WDR75: variants seen among roughly 807,000 people sequenced by gnomAD.
WDR75 encodes the protein WD repeat-containing protein 75.
WDR75 carries 52 observed loss-of-function variants against 106.1 expected under a neutral mutation model. The ratio of observed to expected loss-of-function variants is 0.49; its 90% CI spans 0.39 to 0.62. The LOEUF is 0.62. WDR75 is among the 20% of genes least tolerant of loss of function. WDR75 has a pLI of 0.00. For missense variants in WDR75, 905 were observed against 970.3 expected, an observed-to-expected ratio of 0.93 and a Z score of 0.89; for synonymous variants, 333 against 335.5, an observed-to-expected ratio of 0.99 and a Z score of 0.08.
At chr2:189,467,060 C>T (rs1687017213) in intron 13 of WDR75, among the ~76,000 whole-genome samples, 1 of 152,100 alleles carries the variant, frequency 6.6e-6, no homozygotes, top group Non-Finnish European at 1.5e-5. Flanking sequence ...ATTTAGCAGT[C>T]TCCCTTTAAC....
chr2:189,466,633 A>C lies in WDR75; in HGVS notation c.1447+51A>C, dbSNP rs759318839. ...AAAGTGTGCACAATTTTAGGAATTA[A>C]TTTCTTTTTCTCATGACTTGTATCC... is the stretch of plus-strand genomic sequence containing the variant. On this transcript the variant is annotated intron_variant, in intron 13 of 20. Coordinates refer to ENST00000314761, the MANE Select transcript of WDR75 (RefSeq NM_032168.3). 48 of 1,545,306 alleles carry C rather than the reference A, an allele frequency of 3.1e-5. No homozygotes were observed. In the South Asian group the frequency reaches 5.7e-4, roughly 18 times the overall value.
At position 189,466,593 on chromosome 2, in the gene WDR75, A is replaced by C. The variant is rs1185035603; in HGVS notation, c.1447+11A>C. 1 of 1,597,830 alleles carries C rather than the reference A, an allele frequency of 6.3e-7. No individual in the cohort carries two copies. The highest frequency in any genetic ancestry group is 8.5e-7 in the Non-Finnish European group (1 of 1,171,850). ...ACTCTGACATATACAGTAAGTTATT[A>C]AATATGTTATGTTTAAAGTGTGCAC... On this transcript the variant is annotated intron_variant, in intron 13 of 20. Coordinates refer to ENST00000314761, the MANE Select transcript of WDR75 (RefSeq NM_032168.3).
chr2:189,458,668 G>T, intron 6 of WDR75, 85 bp from the exon 7 acceptor site: 2 of 1,229,532 alleles, frequency 1.6e-6, no homozygotes, highest in Non-Finnish European at 1.1e-6. Context: ...GGTTGCTATT[G>T]CTGGGAACTC....
At chr2:189,460,180 A>G (rs1234655074) in intron 8 of WDR75, among the ~76,000 whole-genome samples, 1 of 152,214 alleles carries the variant, frequency 6.6e-6, no homozygotes, top group East Asian at 1.9e-4. Flanking sequence ...AAGTTACTAC[A>G]TACTAGAGAA....
intron 8 of WDR75, among the ~76,000 whole-genome samples, chr2:189,462,163 T>A (rs1686903386): frequency 6.6e-6 from 1 of 151,814 alleles, no homozygotes; most frequent in African/African-American, 2.4e-5. Context: ...TATATAATAT[T>A]TTTGGTATAG....
At chr2:189,472,821 A>C (rs1687142381) in intron 18 of WDR75, among the ~76,000 whole-genome samples, 1 of 152,232 alleles carries the variant, frequency 6.6e-6, no homozygotes, top group Admixed American at 6.5e-5. Flanking sequence ...TTGACTTCCC[A>C]AAACTTAACC....
At chr2:189,473,290 A>C (rs1488646085) in intron 18 of WDR75, among the ~76,000 whole-genome samples, 4 of 152,168 alleles carry the variant, frequency 2.6e-5, no homozygotes, top group Non-Finnish European at 5.9e-5. Flanking sequence ...AAAGGTCTTC[A>C]TCCTCATCTT....
intron 3 of WDR75, 83 bp downstream of exon 3, chr2:189,451,051 G>A (rs1686612418): frequency 2.1e-6 from 3 of 1,433,662 alleles, no homozygotes; most frequent in Middle Eastern, 1.9e-4. Context: ...TTTCTATAAG[G>A]CCAAATATTT....
intron 4 of WDR75, 26 bp from the exon 5 acceptor site, chr2:189,455,294 A>T: frequency 6.2e-7 from 1 of 1,606,520 alleles, no homozygotes; most frequent in East Asian, 2.2e-5. Flanking sequence ...GAGAAGCTTT[A>T]TATTAATATA....
intron 8 of WDR75, among the ~76,000 whole-genome samples, chr2:189,460,566 A>T (rs912136623): frequency 2.0e-5 from 3 of 150,114 alleles, no homozygotes; most frequent in African/African-American, 7.4e-5. Context: ...GTGCAGTGGC[A>T]CCATCTTGGC....
chr2:189,441,944 C>G (rs1338246838), intron 1 of WDR75, among the ~76,000 whole-genome samples: 2 of 152,164 alleles, frequency 1.3e-5, no homozygotes, highest in African/African-American at 4.8e-5. Context: ...GTGACTAAAA[C>G]CTAAAACTAT....
At chr2:189,464,162 T>C in intron 11 of WDR75, 1 of 571,640 alleles carries the variant, frequency 1.7e-6, no homozygotes. Context: ...GTAAGCCAGT[T>C]GGCACTCCTG....
chr2:189,463,666 T>A, intron 9 of WDR75, 28 bp from the exon 10 acceptor site: 1 of 1,612,852 alleles, frequency 6.2e-7, no homozygotes, highest in Non-Finnish European at 8.5e-7. Flanking sequence ...CTATTGATAT[T>A]TAAATACCTA....
chr2:189,470,213 A>C lies in WDR75; in HGVS notation c.1957A>C (p.Arg653=), dbSNP rs202107077. 5.6e-6 allele frequency: 9 copies of C among 1,612,566 alleles called. No homozygotes were observed. The highest frequency in any genetic ancestry group is 5.3e-5 in the African/African-American group (4 of 74,970). ...FTSEAYQWLN[R]SQFYFLTKSQ... is the part of the protein sequence containing the mutation. ...CTCAGAAGCTTACCAGTGGCTAAATAGATCCCAGTTTTACTTCCTAACAAA... is the reference window on the plus strand; with the variant it reads ...CTCAGAAGCTTACCAGTGGCTAAATCGATCCCAGTTTTACTTCCTAACAAA... The change falls in exon 17 of 21, where the codon AGA becomes CGA. Residue 653 remains arginine (R), a synonymous_variant. Coordinates refer to ENST00000314761, the MANE Select transcript of WDR75 (RefSeq NM_032168.3).
intron 18 of WDR75, 90 bp downstream of exon 18, chr2:189,470,968 C>T: frequency 5.0e-6 from 5 of 995,614 alleles, no homozygotes; most frequent in Non-Finnish European, 7.1e-6. Context: ...AAATATTTCA[C>T]TTGGCCCTAA....
intron 11 of WDR75, among the ~76,000 whole-genome samples, chr2:189,464,751 CTGTT>C (rs1463235853): frequency 6.6e-6 from 1 of 151,990 alleles, no homozygotes; most frequent in African/African-American, 2.4e-5. Flanking sequence ...TGATGTAAAG[CTGTT>C]TGTTCTTAGA....
chr2:189,462,365 T>A, intron 8 of WDR75, 119 bp from the exon 9 acceptor site: 1 of 1,135,966 alleles, frequency 8.8e-7, no homozygotes, highest in Non-Finnish European at 1.2e-6. Flanking sequence ...ACACTTTTTG[T>A]AGCTTTAAAT....
intron 1 of WDR75, among the ~76,000 whole-genome samples, chr2:189,446,027 A>G (rs1356677735): frequency 2.6e-5 from 4 of 152,196 alleles, no homozygotes; most frequent in South Asian, 2.1e-4. Flanking sequence ...TTCTTGGCCA[A>G]CAGTAGCCCC....
intron 11 of WDR75, chr2:189,464,176 G>T (rs149726357): frequency 4.5e-4 from 239 of 531,742 alleles, no homozygotes; most frequent in African/African-American, 3.7e-3. Context: ...ACTCCTGTAC[G>T]TGCTGTCTCT....
Sources: allele counts gnomAD v4.1 joint callset (sites outside exome capture counted in the v4.1 genomes callset), GRCh38; gene constraint gnomAD v4.1.1; transcripts MANE v1.5; gene names NCBI Gene and HGNC (gene_info 2026-07-23, HGNC 2026-07-21).